Variants in RBPMS observed in about 807,000 individuals in gnomAD.
RBPMS encodes the protein RNA binding protein, mRNA processing factor.
Under a neutral mutation model 26.8 loss-of-function variants are expected in RBPMS, and 7 were observed. The ratio of observed to expected loss-of-function variants is 0.26; its 90% CI spans 0.15 to 0.49. The LOEUF (loss-of-function observed/expected upper bound fraction) is 0.49, where lower values mean the gene tolerates loss of function less well. RBPMS is among the 20% of genes least tolerant of loss of function. The pLI, the probability that RBPMS is intolerant of heterozygous loss-of-function variation, is 0.98. For missense variants in RBPMS, 186 were observed against 250.0 expected (o/e 0.74, Z 1.73); for synonymous variants, 96 against 93.3 (o/e 1.03, Z -0.17).
intron 1 of RBPMS, among the ~76,000 whole-genome samples, chr8:30,447,554 T>G (rs1055185996): frequency 2.0e-5 from 3 of 152,156 alleles, no homozygotes; most frequent in Admixed American, 2.0e-4. Flanking sequence ...AGTATTTCCT[T>G]CCAGCCTGTC....
chr8:30,547,598 G>C, intron 6 of RBPMS: 1 of 892,050 alleles, frequency 1.1e-6, no homozygotes, highest in Non-Finnish European at 1.6e-6. Flanking sequence ...TGAGGTTTTG[G>C]GAGAATTGGG....
At chr8:30,540,905 TGGCTTG>T (rs1244893460) in intron 5 of RBPMS, among the ~76,000 whole-genome samples, 4 of 152,224 alleles carry the variant, frequency 2.6e-5, no homozygotes, top group Admixed American at 6.5e-5. Flanking sequence ...ACCAGGTCTG[TGGCTTG>T]GGCAGCTGAG....
chr8:30,437,915 T>C (rs1812645974), intron 1 of RBPMS, among the ~76,000 whole-genome samples: 1 of 150,924 alleles, frequency 6.6e-6, no homozygotes, highest in Non-Finnish European at 1.5e-5. Context: ...ACCAAGATTG[T>C]GCTACTGCAC....
intron 1 of RBPMS, among the ~76,000 whole-genome samples, chr8:30,458,403 A>G (rs1018169066): frequency 6.6e-6 from 1 of 152,118 alleles, no homozygotes; most frequent in Non-Finnish European, 1.5e-5. Flanking sequence ...AGGTTTTGTT[A>G]TCCTTCCTAT....
At chr8:30,519,384 T>C (rs1423859297) in intron 5 of RBPMS, among the ~76,000 whole-genome samples, 1 of 152,022 alleles carries the variant, frequency 6.6e-6, no homozygotes, top group Non-Finnish European at 1.5e-5. Flanking sequence ...AGTCCATATA[T>C]TGCATTAGTT....
intron 6 of RBPMS, among the ~76,000 whole-genome samples, chr8:30,550,316 C>CAA (rs1826251152): frequency 6.6e-6 from 1 of 152,182 alleles, no homozygotes; most frequent in Non-Finnish European, 1.5e-5. Flanking sequence ...TGTGCGACCT[C>CAA]AATTGAGCAA....
intron 6 of RBPMS, chr8:30,555,921 C>T (rs578072175): frequency 7.7e-5 from 76 of 984,340 alleles, no homozygotes; most frequent in Middle Eastern, 5.2e-4. Flanking sequence ...CCCACCGGGC[C>T]GGCTGCCCGA....
chr8:30,472,307 A>G (rs1455276753), intron 1 of RBPMS, among the ~76,000 whole-genome samples: 2 of 152,234 alleles, frequency 1.3e-5, no homozygotes, highest in East Asian at 3.8e-4. Context: ...AGCCAGATGA[A>G]AAGGGTACAT....
chr8:30,445,257 T>C (rs547935418), intron 1 of RBPMS: 1 of 152,232 alleles, frequency 6.6e-6, no homozygotes, highest in East Asian at 1.9e-4. Flanking sequence ...AAAAGGACAA[T>C]GTGGGAATGC....
chr8:30,519,216 C>T (rs1822731721), intron 5 of RBPMS, among the ~76,000 whole-genome samples: 1 of 152,006 alleles, frequency 6.6e-6, no homozygotes, highest in Admixed American at 6.6e-5. Flanking sequence ...TTCTCTCTTT[C>T]CCTCTCATAC....
intron 5 of RBPMS, among the ~76,000 whole-genome samples, chr8:30,519,441 C>T (rs577623349): frequency 2.8e-4 from 39 of 140,812 alleles, no homozygotes; most frequent in Admixed American, 2.4e-3. Context: ...TCTCACCCTA[C>T]GTGGGAGGAT....
chr8:30,548,375 C>T (rs954705657), intron 6 of RBPMS, among the ~76,000 whole-genome samples: 16 of 148,650 alleles, frequency 1.1e-4, no homozygotes, highest in African/African-American at 3.5e-4. Flanking sequence ...ACACACCATA[C>T]ACCCTGTACT....
intron 1 of RBPMS, among the ~76,000 whole-genome samples, chr8:30,411,681 A>AAAG (rs1554507356): frequency 0.022 from 2,784 of 127,932 alleles, 174 homozygotes; most frequent in East Asian, 0.1. Context: ...AAAAAAAAAA[A>AAAG]AAAGAAAAAG....
At chr8:30,434,469 T>C (rs2979473) in intron 1 of RBPMS, among the ~76,000 whole-genome samples, 62,237 of 151,786 alleles carry the variant, frequency 0.41, 14,530 homozygotes, top group African/African-American at 0.64. Flanking sequence ...TTTGGGAGGC[T>C]GAGGCAGGTG....
chr8:30,423,824 G>GTTTTTT (rs35688358), intron 1 of RBPMS, among the ~76,000 whole-genome samples: 4 of 133,390 alleles, frequency 3.0e-5, no homozygotes, highest in African/African-American at 6.1e-5. Flanking sequence ...TGGGTTTTTT[G>GTTTTTT]TTTTTTTTGT....
chr8:30,555,994 C>T (rs1268083398), intron 6 of RBPMS: 19 of 985,302 alleles, frequency 1.9e-5, no homozygotes, highest in African/African-American at 7.0e-5. Context: ...CTGGATGAGC[C>T]GCTCAGACTT....
intron 6 of RBPMS, chr8:30,555,894 G>A (rs749988251): frequency 5.9e-4 from 577 of 985,428 alleles, no homozygotes; most frequent in Non-Finnish European, 6.8e-4. Flanking sequence ...TGATTAGCGC[G>A]GAGCAGCTTG....
intron 5 of RBPMS, among the ~76,000 whole-genome samples, chr8:30,523,452 A>G (rs1462826664): frequency 6.6e-6 from 1 of 151,850 alleles, no homozygotes; most frequent in Non-Finnish European, 1.5e-5. Flanking sequence ...TAGTAGGAAT[A>G]CAATGAGATA....
intron 8 of RBPMS, among the ~76,000 whole-genome samples, chr8:30,567,934 CT>C (rs1300045731): frequency 8.5e-5 from 13 of 152,162 alleles, no homozygotes; most frequent in African/African-American, 3.1e-4. Context: ...GGGCTTTTCT[CT>C]TCCCAAATCT....
Sources: gnomAD v4.1 joint callset for allele counts (sites outside exome capture counted in the v4.1 genomes callset) on GRCh38, gnomAD v4.1.1 for gene constraint, MANE v1.5 for transcripts, NCBI Gene and HGNC (gene_info 2026-07-23, HGNC 2026-07-21) for gene names.